ROBO1: variants seen among roughly 807,000 people sequenced by gnomAD.
ROBO1 encodes the protein roundabout homolog 1.
ROBO1 carries 149 observed loss-of-function variants against 195.9 expected under a neutral mutation model. That is an observed-to-expected ratio of 0.76 (90% CI 0.67 to 0.87). ROBO1 has a LOEUF of 0.87. ROBO1 is among the 40% of genes least tolerant of loss of function. The pLI, the probability that ROBO1 is intolerant of heterozygous loss-of-function variation, is 0.00. For missense variants in ROBO1, 1,933 were observed against 2,068.3 expected (o/e 0.93, Z 1.27); for synonymous variants, 816 against 733.2 (o/e 1.11, Z -1.82).
At chr3:78,739,824 T>G (rs1192395021) in intron 5 of ROBO1, among the ~76,000 whole-genome samples, 1 of 152,122 alleles carries the variant, frequency 6.6e-6, no homozygotes, top group Non-Finnish European at 1.5e-5. Context: ...TCTCTCCAAA[T>G]CATTGAACAT....
chr3:79,602,014 G>A (rs753760799), intron 1 of ROBO1, among the ~76,000 whole-genome samples: 7 of 151,950 alleles, frequency 4.6e-5, no homozygotes, highest in Non-Finnish European at 7.4e-5. Context: ...TAAGCCATGA[G>A]TAGATTGTCC....
chr3:79,675,716 C>T (rs1379445404), intron 1 of ROBO1, among the ~76,000 whole-genome samples: 2 of 151,958 alleles, frequency 1.3e-5, no homozygotes, highest in African/African-American at 2.4e-5. Flanking sequence ...CTTTACTAAA[C>T]TGTAGTCACA....
intron 1 of ROBO1, among the ~76,000 whole-genome samples, chr3:79,616,515 G>A (rs1944824471): frequency 6.6e-6 from 1 of 152,022 alleles, no homozygotes; most frequent in South Asian, 2.1e-4. Context: ...GTGTACTTTG[G>A]GACATAGGAA....
chr3:79,338,932 T>C (rs1166940052), intron 2 of ROBO1, among the ~76,000 whole-genome samples: 1 of 152,196 alleles, frequency 6.6e-6, no homozygotes, highest in African/African-American at 2.4e-5. Flanking sequence ...CAAACTTTGA[T>C]TTTACATCCC....
intron 4 of ROBO1, among the ~76,000 whole-genome samples, chr3:78,819,595 C>A (rs1210931870): frequency 1.3e-5 from 2 of 151,860 alleles, no homozygotes; most frequent in Non-Finnish European, 1.5e-5. Flanking sequence ...TGTCTGAAAT[C>A]AAGTTTTATG....
intron 3 of ROBO1, among the ~76,000 whole-genome samples, chr3:79,094,909 C>T (rs2079541033): frequency 6.9e-6 from 1 of 144,914 alleles, no homozygotes; most frequent in South Asian, 2.3e-4. Context: ...CCTTCCCTCC[C>T]TTCCCCTCCC....
intron 1 of ROBO1, among the ~76,000 whole-genome samples, chr3:79,598,150 T>C (rs1944235202): frequency 6.6e-6 from 1 of 152,126 alleles, no homozygotes; most frequent in African/African-American, 2.4e-5. Flanking sequence ...TTATTCTATG[T>C]CCACATTGTA....
chr3:78,860,536 G>T lies in ROBO1; in HGVS notation c.499+78065C>A, dbSNP rs2034769141. Among the ~76,000 whole-genome samples, 5 of 151,792 alleles carry T rather than the reference G, an allele frequency of 3.3e-5. No individual in the cohort carries two copies. In the South Asian group the frequency reaches 1.0e-3, roughly 32 times the overall value. On this transcript the variant is annotated intron_variant, in intron 4 of 30. Transcript: ENST00000464233. ...AACAAAATCATCATAATAATACAAG[G>T]ATAGAAGTAAATGAGCTTAAAGAGG...
At chr3:79,350,435 G>A (rs1028219607) in intron 2 of ROBO1, among the ~76,000 whole-genome samples, 2 of 152,132 alleles carry the variant, frequency 1.3e-5, no homozygotes, top group African/African-American at 4.8e-5. Flanking sequence ...TCAGCTAAGA[G>A]AATTCCACTC....
chr3:79,071,425 A>G (rs1046062757), intron 3 of ROBO1, among the ~76,000 whole-genome samples: 20 of 151,688 alleles, frequency 1.3e-4, no homozygotes, highest in Non-Finnish European at 2.2e-4. Context: ...CTAAAGTAAT[A>G]TTAGATAAAG....
In ROBO1 at chr3:79,364,491, T is replaced by C. The variant is rs549809041; in HGVS notation, c.88+225333A>G. Among the ~76,000 whole-genome samples the C allele has an allele frequency of 2.5e-4, 38 of 152,124 alleles. No homozygotes were observed. The South Asian group carries it at 7.5e-3, about 30-fold the overall frequency. On this transcript the variant is annotated intron_variant, in intron 2 of 30. Coordinates refer to ENST00000464233, the MANE Select transcript of ROBO1 (RefSeq NM_002941.4). ...CCTTCATGCCACTCATATATATTTT[T>C]CCATATTCTAGGTTTTTTCTCCTTT...
At chr3:79,426,971 A>C (rs371321364) in intron 2 of ROBO1, among the ~76,000 whole-genome samples, 51 of 152,272 alleles carry the variant, frequency 3.3e-4, no homozygotes, top group African/African-American at 3.4e-4. Context: ...AAGTCTATTA[A>C]AATTATTCAA....
At chr3:78,701,043 C>G (rs891882678) in intron 8 of ROBO1, among the ~76,000 whole-genome samples, 1 of 152,150 alleles carries the variant, frequency 6.6e-6, no homozygotes, top group Non-Finnish European at 1.5e-5. Context: ...GGATTACAGG[C>G]GTGAGCCACC....
intron 2 of ROBO1, among the ~76,000 whole-genome samples, chr3:79,288,971 G>C (rs2032067837): frequency 6.6e-6 from 1 of 151,956 alleles, no homozygotes; most frequent in African/African-American, 2.4e-5. Context: ...GACATTCAAT[G>C]TTGTTGTAAG....
At chr3:79,028,928 C>A (rs969379973) in intron 3 of ROBO1, among the ~76,000 whole-genome samples, 17 of 152,016 alleles carry the variant, frequency 1.1e-4, no homozygotes, top group African/African-American at 3.9e-4. Context: ...TTAGTAAGGG[C>A]AATAAATTAA....
At chr3:79,507,666 G>C (rs1259964884) in intron 2 of ROBO1, among the ~76,000 whole-genome samples, 1 of 152,118 alleles carries the variant, frequency 6.6e-6, no homozygotes, top group African/African-American at 2.4e-5. Context: ...AACAACATGG[G>C]TGTGTTTCTG....
intron 2 of ROBO1, among the ~76,000 whole-genome samples, chr3:79,455,279 A>C (rs2039581259): frequency 6.6e-6 from 1 of 152,140 alleles, no homozygotes; most frequent in Non-Finnish European, 1.5e-5. Flanking sequence ...GTGAAATGCC[A>C]CATTTAACAT....
chr3:79,300,983 T>A (rs2032916216), intron 2 of ROBO1, among the ~76,000 whole-genome samples: 1 of 151,930 alleles, frequency 6.6e-6, no homozygotes, highest in Non-Finnish European at 1.5e-5. Flanking sequence ...GCTCTACCAA[T>A]CAGCAAGATG....
chr3:79,358,949 T>C (rs544704060), intron 2 of ROBO1, among the ~76,000 whole-genome samples: 2 of 152,028 alleles, frequency 1.3e-5, no homozygotes, highest in Non-Finnish European at 2.9e-5. Context: ...CAACATATCA[T>C]GGTTTAACAC....
Sources: allele counts gnomAD v4.1 joint callset (sites outside exome capture counted in the v4.1 genomes callset), GRCh38; gene constraint gnomAD v4.1.1; transcripts MANE v1.5; gene names NCBI Gene and HGNC (gene_info 2026-07-23, HGNC 2026-07-21).